CEP112: variants seen among roughly 807,000 people sequenced by gnomAD.
CEP112 encodes centrosomal protein of 112 kDa.
CEP112 carries 127 observed loss-of-function variants against 153.0 expected under a neutral mutation model. That is an observed-to-expected ratio of 0.83 (90% confidence interval 0.72 to 0.96). The LOEUF (loss-of-function observed/expected upper bound fraction) is 0.96. Ranked by LOEUF, CEP112 falls within the 40% of genes least tolerant of loss-of-function variation. CEP112 has a pLI of 0.00. For synonymous variants in CEP112, 358 were observed against 374.4 expected (o/e 0.96, Z 0.51); for missense variants, 1,089 against 1,101.2 (o/e 0.99, Z 0.16).
chr17:65,690,233 T>C (rs1223812775), intron 23 of CEP112, among the ~76,000 whole-genome samples: 1 of 151,334 alleles, frequency 6.6e-6, no homozygotes, highest in Non-Finnish European at 1.5e-5. Flanking sequence ...AAGATCAGCC[T>C]GGGCAACATA....
At chr17:65,807,135 T>G (rs182447651) in intron 21 of CEP112, among the ~76,000 whole-genome samples, 1 of 152,182 alleles carries the variant, frequency 6.6e-6, no homozygotes, top group Non-Finnish European at 1.5e-5. Flanking sequence ...AAGTCATTCT[T>G]GCTATGCTTT....
intron 21 of CEP112, among the ~76,000 whole-genome samples, chr17:65,773,411 G>A (rs930638373): frequency 1.9e-4 from 11 of 57,256 alleles, no homozygotes; most frequent in African/African-American, 7.6e-4. Context: ...TGTAATAAGA[G>A]GCCATTTTTT....
chr17:65,721,803 T>C (rs1187242060), intron 23 of CEP112, among the ~76,000 whole-genome samples: 3 of 151,464 alleles, frequency 2.0e-5, no homozygotes, highest in Non-Finnish European at 4.4e-5. Context: ...CTTTTCTAAA[T>C]TGGCCTTAGA....
At chr17:65,690,906 T>C (rs2048077814) in intron 23 of CEP112, among the ~76,000 whole-genome samples, 1 of 152,084 alleles carries the variant, frequency 6.6e-6, no homozygotes, top group Admixed American at 6.5e-5. Flanking sequence ...CAGGTGCTGC[T>C]TTCATTGTTG....
At chr17:66,175,457 CAG>C (rs2072432725) in intron 3 of CEP112, among the ~76,000 whole-genome samples, 1 of 152,072 alleles carries the variant, frequency 6.6e-6, no homozygotes, top group Non-Finnish European at 1.5e-5. Flanking sequence ...AAGTACATAA[CAG>C]ATAAATCTGA....
At chr17:65,704,350 C>T (rs2048800696) in intron 23 of CEP112, among the ~76,000 whole-genome samples, 1 of 151,914 alleles carries the variant, frequency 6.6e-6, no homozygotes, top group Non-Finnish European at 1.5e-5. Context: ...TACAGCAGCA[C>T]TAGGAAACAA....
chr17:65,980,172 T>C (rs1370783927), intron 17 of CEP112, among the ~76,000 whole-genome samples: 3 of 152,174 alleles, frequency 2.0e-5, no homozygotes, highest in African/African-American at 7.2e-5. Flanking sequence ...TAGAGATATA[T>C]GGTTCAAATT....
chr17:65,974,731 G>A (rs963443403), intron 17 of CEP112, among the ~76,000 whole-genome samples: 7 of 152,156 alleles, frequency 4.6e-5, no homozygotes, highest in African/African-American at 1.7e-4. Context: ...CATGCCTTTC[G>A]TGTAAGGAGG....
chr17:65,997,790 TCCC>T (rs5821560), intron 17 of CEP112, among the ~76,000 whole-genome samples: 12 of 149,822 alleles, frequency 8.0e-5, no homozygotes, highest in African/African-American at 3.0e-4. Flanking sequence ...ACCCTAAACA[TCCC>T]CCCCCCCACA....
intron 21 of CEP112, among the ~76,000 whole-genome samples, chr17:65,791,004 A>G (rs1383845623): frequency 1.4e-5 from 2 of 147,738 alleles, no homozygotes; most frequent in Admixed American, 1.3e-4. Flanking sequence ...CCCTATCTAT[A>G]TCCCAATTAC....
At chr17:65,864,913 AGTGTGT>A (rs6146121) in intron 20 of CEP112, among the ~76,000 whole-genome samples, 4,985 of 144,266 alleles carry the variant, frequency 0.035, 108 homozygotes, top group African/African-American at 0.058. Flanking sequence ...GGGGTAAGCA[AGTGTGT>A]GTGTGTGTGT....
At chr17:65,645,127 GTA>G (rs2045365005) in intron 24 of CEP112, among the ~76,000 whole-genome samples, 1 of 151,460 alleles carries the variant, frequency 6.6e-6, no homozygotes, top group South Asian at 2.1e-4. Context: ...ATACTTATAT[GTA>G]TTTTTTTCTG....
At chr17:66,125,284 G>T (rs1338041070) in intron 6 of CEP112, among the ~76,000 whole-genome samples, 1 of 152,124 alleles carries the variant, frequency 6.6e-6, no homozygotes, top group East Asian at 1.9e-4. Flanking sequence ...CTCATTTGTG[G>T]AAAACTACAG....
intron 23 of CEP112, among the ~76,000 whole-genome samples, chr17:65,726,169 T>C (rs1195547166): frequency 6.6e-6 from 1 of 151,834 alleles, no homozygotes; most frequent in African/African-American, 2.4e-5. Flanking sequence ...TGAAACCCCG[T>C]CTCTACTAAA....
rs1396565067 is a variant in CEP112 at position 65,795,142 on chromosome 17, G to C, written c.2395-44418C>G. Among the ~76,000 whole-genome samples the C allele has an allele frequency of 2.0e-5, 3 of 152,150 alleles. No individual in the cohort carries two copies. The East Asian group carries it at 5.8e-4, about 29-fold the overall frequency. On this transcript the variant is annotated intron_variant, in intron 21 of 26. Transcript: ENST00000535342. The stretch of plus-strand genomic sequence containing the variant: ...TGGCAACACTGTCACTTGGTAAGCT[G>C]TCCTAGTCACAGAGCTCATAATAGT...
intron 19 of CEP112, among the ~76,000 whole-genome samples, chr17:65,910,189 T>A (rs1444773276): frequency 6.6e-6 from 1 of 152,208 alleles, no homozygotes; most frequent in East Asian, 1.9e-4. Context: ...GAACTGCAAC[T>A]AAGCTCTTTT....
chr17:66,036,233 C>T (rs7223441), intron 12 of CEP112, among the ~76,000 whole-genome samples: 62,480 of 151,910 alleles, frequency 0.41, 14,308 homozygotes, highest in East Asian at 0.87. Flanking sequence ...GAAGTTGCTA[C>T]TCAATGGGTA....
chr17:65,884,737 G>C (rs1422570720), intron 20 of CEP112, among the ~76,000 whole-genome samples: 1 of 115,648 alleles, frequency 8.6e-6, no homozygotes, highest in East Asian at 2.5e-4. Context: ...TTTTTTTTGA[G>C]ACGGAGTTTT....
intron 20 of CEP112, among the ~76,000 whole-genome samples, chr17:65,879,203 T>G (rs904651440): frequency 1.3e-5 from 2 of 152,172 alleles, no homozygotes; most frequent in Non-Finnish European, 2.9e-5. Context: ...ATCGTAATCA[T>G]GAGGGTCCAT....
Sources: gnomAD v4.1 joint callset for allele counts (sites outside exome capture counted in the v4.1 genomes callset) on GRCh38, gnomAD v4.1.1 for gene constraint, MANE v1.5 for transcripts, NCBI Gene and HGNC (gene_info 2026-07-23, HGNC 2026-07-21) for gene names.